Variants in HSD17B6 observed in about 807,000 individuals in gnomAD.
HSD17B6 encodes the protein 17-beta-hydroxysteroid dehydrogenase type 6.
In HSD17B6, 16 loss-of-function variants were observed where a neutral mutation model predicts 26.4. The ratio of observed to expected loss-of-function variants is 0.61; its 90% CI spans 0.41 to 0.92. HSD17B6 has a LOEUF of 0.92. Ranked by LOEUF, HSD17B6 falls within the 40% of genes least tolerant of loss-of-function variation. The pLI is 0.00. For missense variants in HSD17B6, 357 were observed against 386.1 expected (o/e 0.92, Z 0.63); for synonymous variants, 139 against 153.0 (o/e 0.91, Z 0.68).
At chr12:56,779,425 A>C (rs781027294) in intron 2 of HSD17B6, among the ~76,000 whole-genome samples, 1 of 152,220 alleles carries the variant, frequency 6.6e-6, no homozygotes. Flanking sequence ...GGCATGAGCC[A>C]CTGAGCCTGG....
chr12:56,781,885 C>A, intron 2 of HSD17B6, 89 bp from the exon 3 acceptor site: 1 of 1,379,104 alleles, frequency 7.3e-7, no homozygotes. Flanking sequence ...GGTTATGATT[C>A]CTCAAGAGTG....
intron 4 of HSD17B6, among the ~76,000 whole-genome samples, chr12:56,786,249 GTTT>G (rs56722036): frequency 2.4e-5 from 3 of 127,106 alleles, no homozygotes; most frequent in Admixed American, 8.0e-5. Flanking sequence ...TAAGTTGTGT[GTTT>G]TTTTTTTTTT....
At chr12:56,785,256 A>T (rs1013697494) in intron 4 of HSD17B6, among the ~76,000 whole-genome samples, 2 of 152,174 alleles carry the variant, frequency 1.3e-5, no homozygotes, top group Non-Finnish European at 2.9e-5. Flanking sequence ...AAACCATCAG[A>T]TCTTGTGAGA....
chr12:56,773,641 C>A (rs2137907793), intron 1 of HSD17B6, among the ~76,000 whole-genome samples, 193 bp from the exon 2 acceptor site: 1 of 152,324 alleles, frequency 6.6e-6, no homozygotes, highest in Middle Eastern at 3.4e-3. Context: ...TGGCACCTTT[C>A]ACACTGCATT....
At chr12:56,784,049 G>A (rs1368210064) in intron 3 of HSD17B6, among the ~76,000 whole-genome samples, 1 of 151,088 alleles carries the variant, frequency 6.6e-6, no homozygotes, top group African/African-American at 2.4e-5. Context: ...GGGTGGCGGG[G>A]CAGAGGCGCT....
At chr12:56,786,427 T>G (rs536018083) in intron 4 of HSD17B6, among the ~76,000 whole-genome samples, 1 of 152,232 alleles carries the variant, frequency 6.6e-6, no homozygotes, top group African/African-American at 2.4e-5. Context: ...TTTTTGTATT[T>G]TTAGTAGACA....
chr12:56,779,355 C>T (rs1249195018), intron 2 of HSD17B6, among the ~76,000 whole-genome samples: 1 of 152,116 alleles, frequency 6.6e-6, no homozygotes, highest in Non-Finnish European at 1.5e-5. Flanking sequence ...CCAGGCTGGT[C>T]TCAAACTCCT....
chr12:56,783,261 G>A (rs1254186135), intron 3 of HSD17B6, among the ~76,000 whole-genome samples: 16 of 149,548 alleles, frequency 1.1e-4, no homozygotes, highest in African/African-American at 3.2e-4. Context: ...GTGGCCGGGC[G>A]GGGGGCTGAC....
At chr12:56,764,620 A>G (rs537461462) in intron 1 of HSD17B6, among the ~76,000 whole-genome samples, 2 of 152,208 alleles carry the variant, frequency 1.3e-5, no homozygotes, top group Non-Finnish European at 1.5e-5. Context: ...AATAATACTA[A>G]TATCTAACAA....
chr12:56,773,609 G>A (rs1196935660), intron 1 of HSD17B6, among the ~76,000 whole-genome samples: 2 of 152,166 alleles, frequency 1.3e-5, no homozygotes, highest in Non-Finnish European at 2.9e-5. Flanking sequence ...TTCCTTTGTA[G>A]ACTGTGTGTA....
At chr12:56,781,883 T>C in intron 2 of HSD17B6, 91 bp from the exon 3 acceptor site, 1 of 1,354,258 alleles carries the variant, frequency 7.4e-7, no homozygotes, top group Admixed American at 2.0e-5. Context: ...GTGGTTATGA[T>C]TCCTCAAGAG....
rs890770886 is a variant in HSD17B6 at position 56,768,922 on chromosome 12, A to T, written c.-19-4912A>T. ...CTAGTGAAGCACCCCTAAAATGGCC[A>T]ACTATGAGACCTGTGCTGAATAAGG... is the stretch of plus-strand genomic sequence containing the variant. On this transcript the variant is annotated intron_variant, in intron 1 of 4. Coordinates refer to ENST00000322165, the MANE Select transcript of HSD17B6 (RefSeq NM_003725.4). Among the ~76,000 whole-genome samples the T allele has an allele frequency of 3.3e-5, 5 of 152,048 alleles. No homozygotes were observed. The East Asian group carries it at 9.7e-4, about 29-fold the overall frequency.
At chr12:56,781,373 A>G (rs1235791222) in intron 2 of HSD17B6, among the ~76,000 whole-genome samples, 1 of 152,152 alleles carries the variant, frequency 6.6e-6, no homozygotes, top group Non-Finnish European at 1.5e-5. Context: ...TCTATCTACT[A>G]TTAAACCTGT....
chr12:56,778,562 C>T (rs1954640810), intron 2 of HSD17B6, among the ~76,000 whole-genome samples: 1 of 152,122 alleles, frequency 6.6e-6, no homozygotes, highest in Non-Finnish European at 1.5e-5. Context: ...CAGGCATGAG[C>T]CACTGCGCCC....
At chr12:56,765,026 T>A (rs562939573) in intron 1 of HSD17B6, among the ~76,000 whole-genome samples, 1 of 152,250 alleles carries the variant, frequency 6.6e-6, no homozygotes, top group South Asian at 2.1e-4. Flanking sequence ...GGTTTCGCTA[T>A]GTTGGCCAGG....
At chr12:56,786,342 CG>C (rs200077432) in intron 4 of HSD17B6, among the ~76,000 whole-genome samples, 9,411 of 151,388 alleles carry the variant, frequency 0.062, 345 homozygotes, top group Middle Eastern at 0.12. Flanking sequence ...CTCTGCCTCC[CG>C]GGTTCAAGCA....
At chr12:56,774,994 C>G (rs1954560517) in intron 2 of HSD17B6, among the ~76,000 whole-genome samples, 1 of 152,166 alleles carries the variant, frequency 6.6e-6, no homozygotes, top group African/African-American at 2.4e-5. Context: ...GGAAAAAAGT[C>G]TGTATATGTT....
chr12:56,785,169 TA>T (rs1474921910), intron 4 of HSD17B6, among the ~76,000 whole-genome samples, 153 bp downstream of exon 4: 1 of 152,108 alleles, frequency 6.6e-6, no homozygotes, highest in Non-Finnish European at 1.5e-5. Flanking sequence ...TCAGGAAACT[TA>T]TAATCATGGC....
rs769254628 is a variant in HSD17B6 at position 56,774,072 on chromosome 12, T to C, written c.220T>C (p.Ser74Pro). 7 of 1,613,980 alleles carry C rather than the reference T, an allele frequency of 4.3e-6. No homozygotes were observed. The South Asian group carries it at 6.6e-5, about 15-fold the overall frequency. Residue 74 changes from serine (S) to proline (P), a missense_variant, in exon 2 of 5, where the codon TCT becomes CCT. Ser to Pro is a moderately conservative substitution (Grantham distance 74). Transcript: ENST00000322165. The stretch of plus-strand genomic sequence containing the variant: ...GGCCGAGCAGCTGAGGGGCCAGACG[T>C]CTGACAGGCTGGAGACGGTGACCCT... ...KGAEQLRGQT[S>P]DRLETVTLDV... is the part of the protein sequence containing the mutation.
Sources: gnomAD v4.1 joint callset for allele counts (sites outside exome capture counted in the v4.1 genomes callset) on GRCh38, gnomAD v4.1.1 for gene constraint, MANE v1.5 for transcripts, NCBI Gene and HGNC (gene_info 2026-07-23, HGNC 2026-07-21) for gene names.